DCAF6: variants seen among roughly 807,000 people sequenced by gnomAD.
DCAF6 encodes the protein DDB1- and CUL4-associated factor 6.
Under a neutral mutation model 125.1 loss-of-function variants are expected in DCAF6, and 54 were observed. That is an observed-to-expected ratio of 0.43 (90% CI 0.35 to 0.54). The LOEUF (loss-of-function observed/expected upper bound fraction) is 0.54. Ranked by LOEUF, DCAF6 falls within the 20% of genes least tolerant of loss-of-function variation. The pLI, the probability that DCAF6 is intolerant of heterozygous loss-of-function variation, is 0.01. For synonymous variants in DCAF6, 371 were observed against 390.4 expected (o/e 0.95, Z 0.58); for missense variants, 934 against 1,161.7 (o/e 0.80, Z 2.85).
upstream of DCAF6, chr1:167,935,915 G>A (rs1671147364): frequency 1.7e-6 from 2 of 1,179,814 alleles, no homozygotes; most frequent in Admixed American, 2.0e-5. Flanking sequence ...ACGAAGGGGA[G>A]CTAGTCACTT....
At chr1:167,869,777 A>AG in the DCAF6 span, among the ~76,000 whole-genome samples, 2 of 152,112 alleles carry the variant, frequency 1.3e-5, no homozygotes, top group East Asian at 3.9e-4. Context: ...TTAAAAGGGC[A>AG]GAAGTTGAGC....
the DCAF6 span, chr1:167,901,853 A>G: frequency 1.2e-6 from 2 of 1,613,918 alleles, no homozygotes; most frequent in Non-Finnish European, 1.7e-6. Flanking sequence ...CTGGGGATCA[A>G]TCTATTTTGT....
chr1:168,001,659 G>A (rs750755058), intron 7 of DCAF6, among the ~76,000 whole-genome samples: 7 of 152,126 alleles, frequency 4.6e-5, no homozygotes, highest in Non-Finnish European at 1.0e-4. Flanking sequence ...TCTTAAAAAT[G>A]ATAAGAACCT....
At chr1:168,045,474 C>T (rs1165525276) in intron 16 of DCAF6, among the ~76,000 whole-genome samples, 1 of 152,158 alleles carries the variant, frequency 6.6e-6, no homozygotes, top group Non-Finnish European at 1.5e-5. Flanking sequence ...AGGCTTGCTT[C>T]TGAATTTACA....
At chr1:168,018,392 C>G (rs1172736477) in intron 11 of DCAF6, among the ~76,000 whole-genome samples, 1 of 152,052 alleles carries the variant, frequency 6.6e-6, no homozygotes, top group East Asian at 1.9e-4. Flanking sequence ...TTTGGTTGTT[C>G]ACTCTTTGTC....
chr1:168,048,971 A>C (rs1238298625), intron 16 of DCAF6, among the ~76,000 whole-genome samples: 1 of 152,244 alleles, frequency 6.6e-6, no homozygotes, highest in African/African-American at 2.4e-5. Flanking sequence ...AAATGCCTCT[A>C]CTGGCAAAAA....
the DCAF6 span, chr1:167,918,391 C>T: frequency 5.1e-6 from 7 of 1,359,264 alleles, no homozygotes; most frequent in South Asian, 6.2e-5. Context: ...AAATAATCAT[C>T]AATAATAATA....
At chr1:167,924,047 T>C in the DCAF6 span, among the ~76,000 whole-genome samples, 179 of 152,354 alleles carry the variant, frequency 1.2e-3, no homozygotes, top group African/African-American at 4.3e-3. Flanking sequence ...AAGTCCTAGG[T>C]TCTCTCATTT....
the DCAF6 span, among the ~76,000 whole-genome samples, chr1:167,914,416 T>C: frequency 1.3e-5 from 2 of 152,148 alleles, no homozygotes; most frequent in African/African-American, 2.4e-5. Flanking sequence ...ATCAGAAGTA[T>C]CTCCAGAGCA....
chr1:167,977,774 A>T (rs1042090593), intron 4 of DCAF6, among the ~76,000 whole-genome samples: 1 of 152,198 alleles, frequency 6.6e-6, no homozygotes, highest in Non-Finnish European at 1.5e-5. Flanking sequence ...CTATTTAAAA[A>T]TTTTAAAATT....
chr1:167,994,333 C>T (rs555736302), intron 7 of DCAF6, among the ~76,000 whole-genome samples: 10 of 152,054 alleles, frequency 6.6e-5, no homozygotes, highest in African/African-American at 2.4e-4. Flanking sequence ...GCAGAAAAGG[C>T]GATTAAAATA....
intron 10 of DCAF6, among the ~76,000 whole-genome samples, chr1:168,009,805 C>G (rs983268296): frequency 7.9e-6 from 1 of 125,840 alleles, no homozygotes; most frequent in Non-Finnish European, 1.7e-5. Context: ...CTATATAACC[C>G]TGTTTATTTT....
chr1:168,040,291 A>G (rs983074965), intron 13 of DCAF6, among the ~76,000 whole-genome samples: 2 of 151,994 alleles, frequency 1.3e-5, no homozygotes, highest in Non-Finnish European at 2.9e-5. Context: ...GAGTGGAGTG[A>G]CCAGTGGAGA....
At chr1:168,054,192 T>G in intron 17 of DCAF6, among the ~76,000 whole-genome samples, 1 of 152,322 alleles carries the variant, frequency 6.6e-6, no homozygotes, top group East Asian at 1.9e-4. Context: ...ATAGAAATCT[T>G]CTGGGTAATT....
intron 18 of DCAF6, 32 bp downstream of exon 18, chr1:168,063,791 A>G (rs759395666): frequency 1.9e-6 from 3 of 1,589,542 alleles, no homozygotes; most frequent in Non-Finnish European, 2.6e-6. Flanking sequence ...TTTTGGTGAA[A>G]TTGCAGTTTC....
At chr1:168,059,412 A>G (rs1691304541) in intron 17 of DCAF6, among the ~76,000 whole-genome samples, 2 of 152,206 alleles carry the variant, frequency 1.3e-5, no homozygotes, top group South Asian at 2.1e-4. Context: ...TGTAATTATT[A>G]TAGCTTTTTA....
chr1:167,932,874 G>C (rs1670950149), upstream of DCAF6, among the ~76,000 whole-genome samples: 1 of 150,634 alleles, frequency 6.6e-6, no homozygotes, highest in South Asian at 2.1e-4. Context: ...ATAACTTCAA[G>C]ATTATTTCTT....
At chr1:168,039,172 T>C (rs1688189523) in intron 13 of DCAF6, among the ~76,000 whole-genome samples, 1 of 152,068 alleles carries the variant, frequency 6.6e-6, no homozygotes, top group East Asian at 1.9e-4. Flanking sequence ...TGAAATGAAC[T>C]ATATCTAGAT....
chr1:167,995,362 A>G (rs1214400284), intron 7 of DCAF6, among the ~76,000 whole-genome samples: 1 of 152,194 alleles, frequency 6.6e-6, no homozygotes, highest in Non-Finnish European at 1.5e-5. Flanking sequence ...AAATTAAGAA[A>G]AACAATGCTG....
Sources: gnomAD v4.1 joint callset for allele counts (sites outside exome capture counted in the v4.1 genomes callset) on GRCh38, gnomAD v4.1.1 for gene constraint, MANE v1.5 for transcripts, NCBI Gene and HGNC (gene_info 2026-07-23, HGNC 2026-07-21) for gene names.